Variants in ADAMTS13 observed in about 807,000 individuals in gnomAD.
The protein encoded by ADAMTS13 is A disintegrin and metalloproteinase with thrombospondin motifs 13.
A neutral mutation model predicts 155.1 loss-of-function variants in ADAMTS13; 110 were observed. The ratio of observed to expected loss-of-function variants is 0.71; its 90% CI spans 0.61 to 0.83. The LOEUF (loss-of-function observed/expected upper bound fraction) is 0.83. Ranked by LOEUF, ADAMTS13 falls within the 40% of genes least tolerant of loss-of-function variation. The probability of loss-of-function intolerance (pLI) is 0.00; values close to 1 mark genes in which losing one functional copy is unlikely to be tolerated. For missense variants in ADAMTS13, 1,707 were observed against 1,891.7 expected (o/e 0.90, Z 1.81); for synonymous variants, 758 against 756.4 (o/e 1.00, Z -0.03).
At chr9:133,430,338 G>C (rs36219895) in intron 8 of ADAMTS13, among the ~76,000 whole-genome samples, 2,259 of 152,280 alleles carry the variant, frequency 0.015, 58 homozygotes, top group African/African-American at 0.052. Context: ...GCTAGTCCTG[G>C]GAGGGCCCCT....
chr9:133,458,232 C>T (rs1842859284), intron 28 of ADAMTS13, 138 bp downstream of exon 28: 4 of 1,050,624 alleles, frequency 3.8e-6, no homozygotes, highest in East Asian at 2.6e-5. Context: ...AAGATAGCTT[C>T]CTCCACATAT....
chr9:133,444,951 G>A lies in ADAMTS13; in HGVS notation c.2509G>A (p.Gly837Ser), dbSNP rs1554792055. 1.2e-6 allele frequency: 2 copies of A among 1,613,526 alleles called. No homozygotes were observed. The highest frequency in any genetic ancestry group is 1.7e-5 in the Admixed American group (1 of 60,032). The change falls in exon 20 of 29, where the codon GGC becomes AGC. Residue 837 changes from glycine to serine, a missense_variant. Physicochemically the swap from Gly to Ser is moderately conservative, Grantham distance 56. Around this residue, in one of 3 missense-constraint regions of ADAMTS13, gnomAD observed 961 missense variants for 1,107.9 expected, o/e 0.87. Transcript: ENST00000355699. Reference sequence around the variant, plus strand: ...CGAGACCTGTGTGCCAGGGGCAGATGGCCTGGAGGCTCCAGTGACTGAGGG... The same window carrying A: ...CGAGACCTGTGTGCCAGGGGCAGATAGCCTGGAGGCTCCAGTGACTGAGGG... ...ENETCVPGAD[G>S]LEAPVTEGPG...
chr9:133,416,603 T>C (rs928871956), intron 1 of ADAMTS13, among the ~76,000 whole-genome samples: 2 of 152,050 alleles, frequency 1.3e-5, no homozygotes, highest in African/African-American at 4.8e-5. Context: ...GTGGTAAGAA[T>C]GTATGAGTGA....
At chr9:133,422,959 A>G (rs1295214622) in intron 1 of ADAMTS13, 142 bp from the exon 2 acceptor site, 3 of 350,542 alleles carry the variant, frequency 8.6e-6, no homozygotes, top group Non-Finnish European at 1.5e-5. Flanking sequence ...TTTTTTTTTA[A>G]GACATGGGGT....
At position 133,429,996 on chromosome 9, in the gene ADAMTS13, G is replaced by C. The variant is rs1554786747; in HGVS notation, c.882G>C (p.Gly294=). The C allele has an allele frequency of 1.3e-6, 2 of 1,562,414 alleles. No homozygotes were observed. Among genetic ancestry groups the C allele is most frequent in the Admixed American group, 1.8e-5 (1 of 55,130 alleles). Residue 294 remains glycine, a synonymous_variant, in exon 8 of 29, where the codon GGG becomes GGC. Coordinates refer to ENST00000355699, the MANE Select transcript of ADAMTS13 (RefSeq NM_139027.6). Reference sequence around the variant, plus strand: ...CGCGGCCTCAACCCGGGTCCGCGGGGCACCCGCCGGATGCGCAGCCTGGCC... The same window carrying C: ...CGCGGCCTCAACCCGGGTCCGCGGGCCACCCGCCGGATGCGCAGCCTGGCC... The part of the protein sequence containing the change: ...DPPRPQPGSA[G]HPPDAQPGLY...
chr9:133,415,204 GTGAAA>G (rs1839504827), intron 1 of ADAMTS13, among the ~76,000 whole-genome samples: 1 of 152,130 alleles, frequency 6.6e-6, no homozygotes, highest in East Asian at 1.9e-4. Context: ...GTCACTTGTG[GTGAAA>G]TGCTGTTTCT....
In ADAMTS13 at chr9:133,456,654, G is replaced by A; in HGVS notation, c.3659G>A (p.Gly1220Glu). ...TNTLVVRQRC[G>E]RPGGGVLLRY... ...ACGCTGGTGGTGAGGCAGCGCTGCGGGCGGCCAGGAGGTGGGGTGCTGCTG... is the reference window on the plus strand; with the variant it reads ...ACGCTGGTGGTGAGGCAGCGCTGCGAGCGGCCAGGAGGTGGGGTGCTGCTG... Residue 1220 changes from glycine (G) to glutamate (E), a missense_variant, in exon 27 of 29, where the codon GGG becomes GAG. By Grantham distance (98) the Gly-to-Glu change is moderately conservative. Coordinates refer to ENST00000355699, the MANE Select transcript of ADAMTS13 (RefSeq NM_139027.6). This position sits in a 1 kb window ranked among gnomAD's most constrained non-coding sequence, Gnocchi z 4.4. 6.2e-7 allele frequency: 1 copy of A among 1,603,970 alleles called. No homozygotes were observed. Among genetic ancestry groups the A allele is most frequent in the East Asian group, 2.2e-5 (1 of 44,608 alleles).
At chr9:133,415,999 T>C (rs1839573604) in intron 1 of ADAMTS13, 1 of 152,194 alleles carries the variant, frequency 6.6e-6, no homozygotes. Flanking sequence ...ACCCCATCTG[T>C]ATTAGTTCAT....
Position 133,456,267 on chromosome 9 carries a change from G to T in ADAMTS13, c.3547+52G>T, listed in dbSNP as rs1554795954. The T allele has an allele frequency of 1.2e-6, 2 of 1,611,908 alleles. No homozygotes were observed. Among genetic ancestry groups the T allele is most frequent in the Non-Finnish European group, 1.7e-6 (2 of 1,179,704 alleles). On this transcript the variant is annotated intron_variant, in intron 26 of 28. Transcript: ENST00000355699. This position sits in a 1 kb window ranked among gnomAD's most constrained non-coding sequence, Gnocchi z 4.4. ...CTGCCAGTTATGGGCCCTGCCAGGA[G>T]CCAGCACGACGCTGCATGCCCCATT...
chr9:133,420,021 C>T (rs1037175521), upstream of ADAMTS13, among the ~76,000 whole-genome samples: 6 of 152,312 alleles, frequency 3.9e-5, no homozygotes, highest in Non-Finnish European at 8.8e-5. Context: ...TCTTCTGCCT[C>T]AGCCTCCCGA....
intron 22 of ADAMTS13, 58 bp from the exon 23 acceptor site, chr9:133,449,725 T>A (rs1842309766): frequency 1.3e-6 from 2 of 1,590,404 alleles, no homozygotes; most frequent in South Asian, 1.1e-5. Flanking sequence ...GAGACCTGGC[T>A]CCCCTGGGTT....
Position 133,424,634 on chromosome 9 carries a change from G to A in ADAMTS13, c.330+156G>A, listed in dbSNP as rs587595222. ...TTCTCCCTCCCTCCCCTGGGTGGAG[G>A]TGGGTGAGGTCCCACACCCTCTCTA... is the stretch of plus-strand genomic sequence containing the variant. On this transcript the variant is annotated intron_variant, in intron 3 of 28. Coordinates refer to ENST00000355699, the MANE Select transcript of ADAMTS13 (RefSeq NM_139027.6). The surrounding 1 kb of genome is among the most constrained non-coding windows in gnomAD (Gnocchi z 4.3). 7.2e-5 allele frequency among the ~76,000 whole-genome samples: 11 copies of A among 152,172 alleles called. No homozygotes were observed. In the East Asian group the frequency reaches 2.1e-3, roughly 29 times the overall value.
In ADAMTS13 at chr9:133,435,035, G is replaced by T. The variant is rs114357049; in HGVS notation, c.1308+1331G>T. On this transcript the variant is annotated intron_variant, in intron 11 of 28. Transcript: ENST00000355699. The stretch of plus-strand genomic sequence containing the variant: ...ATTTTCATCCAGTCGTCTGCTGATG[G>T]ACATCTGAGGTGTTTTCACCTTTTG... Among the ~76,000 whole-genome samples the T allele has an allele frequency of 6.9e-3, 1,044 of 152,288 alleles. 12 individuals carry two copies. Among genetic ancestry groups the T allele is most frequent in the African/African-American group, 0.021 (865 of 41,548 alleles).
Position 133,451,756 on chromosome 9 carries a change from T to C in ADAMTS13, c.3044+1791T>C, listed in dbSNP as rs1002229802. Among the ~76,000 whole-genome samples, 15 of 152,034 alleles carry C rather than the reference T, an allele frequency of 9.9e-5. No individual in the cohort carries two copies. In the East Asian group the frequency reaches 2.7e-3, roughly 28 times the overall value. On this transcript the variant is annotated intron_variant, in intron 23 of 28. Coordinates refer to ENST00000355699, the MANE Select transcript of ADAMTS13 (RefSeq NM_139027.6). ...AAATACAAAAATTAGCCGGGCATGG[T>C]GGTGCATGCCAGTATCCCCAGCTAC...
chr9:133,422,100 C>T (rs1564405246), upstream of ADAMTS13: 1 of 336,234 alleles, frequency 3.0e-6, no homozygotes, highest in Non-Finnish European at 5.4e-6. Flanking sequence ...GAACCCCCGT[C>T]TGTGGGTTTC....
chr9:133,423,933 C>T (rs1478514095), intron 2 of ADAMTS13, among the ~76,000 whole-genome samples: 2 of 152,254 alleles, frequency 1.3e-5, no homozygotes, highest in African/African-American at 4.8e-5. Flanking sequence ...GAGGGCTGGC[C>T]TGGGCCCCTG....
In ADAMTS13 at chr9:133,442,695, A is replaced by T; in HGVS notation, c.2186A>T (p.Gln729Leu). 6.2e-7 allele frequency: 1 copy of T among 1,613,112 alleles called. No homozygotes were observed. The highest frequency in any genetic ancestry group is 1.1e-5 in the South Asian group (1 of 91,088). Residue 729 changes from glutamine to leucine, a missense_variant, in exon 18 of 29, where the codon CAG becomes CTG. Physicochemically the swap from Gln to Leu is moderately radical, Grantham distance 113. Around this residue, in one of 3 missense-constraint regions of ADAMTS13, gnomAD observed 961 missense variants for 1,107.9 expected, o/e 0.87. Transcript: ENST00000355699. The stretch of plus-strand genomic sequence containing the variant: ...ACTGTCCAGTGCCAAGGGAGCCAGC[A>T]GCCACCAGCGTGGCCAGAGGCCTGC... Reference protein sequence around the residue: ...VETVQCQGSQQPPAWPEACVL... With the variant: ...VETVQCQGSQLPPAWPEACVL...
At position 133,456,961 on chromosome 9, in the gene ADAMTS13, T is replaced by C. The variant is rs1265652973; in HGVS notation, c.3724+242T>C. 6.1e-6 allele frequency: 4 copies of C among 651,442 alleles called. No individual in the cohort carries two copies. The highest frequency in any genetic ancestry group is 5.3e-5 in the African/African-American group (3 of 56,306). The allele number at this position is 651,442 out of a possible 1,614,324, so 40.4% of individuals were successfully genotyped here. On this transcript the variant is annotated intron_variant, in intron 27 of 28. Coordinates refer to ENST00000355699, the MANE Select transcript of ADAMTS13 (RefSeq NM_139027.6). The surrounding 1 kb of genome is among the most constrained non-coding windows in gnomAD (Gnocchi z 4.4). The stretch of plus-strand genomic sequence containing the variant: ...CAGCAAGATGGACGGATGTGGGACA[T>C]GGTCCACATCCTCAGTCAGTCCCTC...
chr9:133,435,126 T>C (rs1554788582), intron 11 of ADAMTS13, among the ~76,000 whole-genome samples: 1 of 152,224 alleles, frequency 6.6e-6, no homozygotes, highest in African/African-American at 2.4e-5. Flanking sequence ...TCAATTCTTT[T>C]GGCAGTATGC....
Sources: allele counts gnomAD v4.1 joint callset (sites outside exome capture counted in the v4.1 genomes callset), GRCh38; gene constraint gnomAD v4.1.1; regional missense constraint gnomAD v4.1.1; non-coding constraint Gnocchi (gnomAD v3.1); transcripts MANE v1.5; gene names NCBI Gene and HGNC (gene_info 2026-07-23, HGNC 2026-07-21).